Variants in HEPH observed in about 807,000 individuals in gnomAD.
HEPH encodes the protein hephaestin.
A neutral mutation model predicts 80.8 loss-of-function variants in HEPH; 69 were observed. The ratio of observed to expected loss-of-function variants is 0.85; its 90% confidence interval spans 0.70 to 1.04. The LOEUF (loss-of-function observed/expected upper bound fraction) is 1.04, where lower values mean the gene tolerates loss of function less well. Among genes scored for constraint, HEPH ranks in the 50% least tolerant of loss-of-function variants. The probability of loss-of-function intolerance (pLI) is 0.00; values close to 1 mark genes in which losing one functional copy is unlikely to be tolerated. For synonymous variants in HEPH, 431 were observed against 322.8 expected, an observed-to-expected ratio of 1.34 and a Z score of -3.60; for missense variants, 1,115 against 891.3, an observed-to-expected ratio of 1.25 and a Z score of -3.20.
chrX:66,251,323 A>T lies in HEPH; in HGVS notation c.2564-3712A>T, dbSNP rs1009556064. Among the ~76,000 whole-genome samples the T allele has an allele frequency of 3.6e-5, 4 of 112,142 alleles. No homozygotes were observed. The South Asian group carries it at 1.5e-3, about 42-fold the overall frequency. ...AACCATTTTACATTCCCATCAGCAA[A>T]GTGTGAGTGATTCAGTTGTTCCACA... is the stretch of plus-strand genomic sequence containing the variant. On this transcript the variant is annotated intron_variant, in intron 15 of 20. Coordinates refer to ENST00000343002, the MANE Select transcript of HEPH (RefSeq NM_001367233.3).
rs781019310 is a variant in HEPH, at chrX:66,188,469, G to T, written c.736G>T (p.Ala246Ser). ...NLSWHLNENI[A>S]TYCSDPASVD... The stretch of plus-strand genomic sequence containing the variant: ...CAGCTGGCATCTCAATGAGAACATT[G>T]CCACTTACTGCTCAGATCCTGCTTC... Residue 246 changes from alanine (A) to serine (S), a missense_variant, in exon 5 of 21, where the codon GCC (alanine) becomes TCC (serine). This residue lies in a region of HEPH where 391 missense variants were observed against 343.6 expected (regional missense o/e 1.14). Coordinates refer to ENST00000343002, the MANE Select transcript of HEPH (RefSeq NM_001367233.3). 2 of 1,209,806 alleles carry T rather than the reference G, an allele frequency of 1.7e-6. No homozygotes were observed. The highest frequency in any genetic ancestry group is 2.2e-6 in the Non-Finnish European group (2 of 894,249).
intron 15 of HEPH, among the ~76,000 whole-genome samples, chrX:66,253,562 C>A (rs998561829): frequency 1.8e-5 from 2 of 111,953 alleles, no homozygotes; most frequent in African/African-American, 6.5e-5. Flanking sequence ...TTTGGCAATT[C>A]TTTAAGTGGT....
chrX:66,217,781 C>G (rs1360654807), intron 15 of HEPH, among the ~76,000 whole-genome samples: 1 of 111,627 alleles, frequency 9.0e-6, no homozygotes, highest in East Asian at 2.8e-4. Context: ...TATCTACTGT[C>G]TTCAAGGGAC....
At chrX:66,200,370 A>G (rs2088366856) in intron 11 of HEPH, 170 bp from the exon 12 acceptor site, 1 of 446,316 alleles carries the variant, frequency 2.2e-6, no homozygotes, top group African/African-American at 2.5e-5. Context: ...AGACAGAGAT[A>G]TTCACGAGTA....
chrX:66,260,807 C>T (rs1490068186), intron 19 of HEPH, among the ~76,000 whole-genome samples: 1 of 109,548 alleles, frequency 9.1e-6, no homozygotes, highest in African/African-American at 3.3e-5. Flanking sequence ...TGATCTGTCA[C>T]CCAGGCTGGA....
At chrX:66,205,997 C>T (rs1395713593) in intron 13 of HEPH, among the ~76,000 whole-genome samples, 1 of 111,103 alleles carries the variant, frequency 9.0e-6, no homozygotes, top group Non-Finnish European at 1.9e-5. Flanking sequence ...GTCCTGTCAT[C>T]TCTGTGCAAT....
intron 4 of HEPH, among the ~76,000 whole-genome samples, chrX:66,187,188 C>T (rs1443121004): frequency 9.0e-6 from 1 of 111,227 alleles, no homozygotes; most frequent in Non-Finnish European, 1.9e-5. Flanking sequence ...CACTGGGCTT[C>T]ACCTTTCTCT....
chrX:66,255,057 G>A lies in HEPH; in HGVS notation c.2586G>A (p.Trp862Ter), dbSNP rs762508969. ...AEPGEVVTYQ[W>*]NIPERSGPGP... ...TAGGTGAGGTGGTCACTTATCAGTG[G>A]AACATCCCAGAGAGGTCTGGCCCTG... Residue 862 changes from tryptophan to a stop codon, truncating the protein, a stop_gained, in exon 16 of 21, where the codon TGG becomes TGA. Transcript: ENST00000343002. LOFTEE classifies it high-confidence loss of function. The A allele has an allele frequency of 8.3e-7, 1 of 1,203,542 alleles. No individual in the cohort carries two copies. The highest frequency in any genetic ancestry group is 1.1e-6 in the Non-Finnish European group (1 of 890,066).
downstream of HEPH, chrX:66,267,596 T>A (rs2091572342): frequency 9.0e-6 from 1 of 111,412 alleles, no homozygotes; most frequent in Non-Finnish European, 1.9e-5. Flanking sequence ...GTCGCATAAA[T>A]GACAAAAATT....
chrX:66,259,870 G>A lies in HEPH; in HGVS notation c.3037-230G>A, dbSNP rs182759744. ...ACTACAAGCGCCTGCTACCATGCCC[G>A]GCAATTTTTTTTATTTTTTTTATTT... On this transcript the variant is annotated intron_variant, in intron 18 of 20. Transcript: ENST00000343002. Among the ~76,000 whole-genome samples the A allele has an allele frequency of 3.7e-5, 4 of 109,158 alleles. No individual in the cohort carries two copies. The East Asian group carries it at 1.1e-3, about 31-fold the overall frequency. 94.8% of individuals were successfully genotyped at this position (109,158 alleles called of 115,157 possible).
intron 2 of HEPH, among the ~76,000 whole-genome samples, chrX:66,171,757 C>T (rs1602195573): frequency 1.8e-5 from 2 of 110,371 alleles, no homozygotes. Flanking sequence ...ATTTATTGAA[C>T]TTTTACTATT....
chrX:66,222,970 C>T (rs1025326363), intron 15 of HEPH, among the ~76,000 whole-genome samples: 6 of 111,398 alleles, frequency 5.4e-5, no homozygotes, highest in Non-Finnish European at 3.8e-5. Context: ...GGGTTTTCCC[C>T]TGAGACTGCA....
chrX:66,195,494 A>G (rs1406755759), intron 9 of HEPH, among the ~76,000 whole-genome samples: 1 of 111,775 alleles, frequency 8.9e-6, no homozygotes, highest in East Asian at 2.8e-4. Flanking sequence ...TACAAAGTAA[A>G]TAAGCATCAT....
chrX:66,188,209 A>T, intron 4 of HEPH, 150 bp from the exon 5 acceptor site: 1 of 454,214 alleles, frequency 2.2e-6, no homozygotes, highest in Non-Finnish European at 3.7e-6. Context: ...TTGGAAATGG[A>T]AATTAATCTA....
chrX:66,212,834 A>T (rs1351767265), intron 15 of HEPH, among the ~76,000 whole-genome samples: 5 of 110,391 alleles, frequency 4.5e-5, no homozygotes, highest in Non-Finnish European at 9.5e-5. Flanking sequence ...TGTCATATAA[A>T]TTTTCAAATT....
chrX:66,215,825 G>A (rs1428653670), intron 15 of HEPH, among the ~76,000 whole-genome samples: 1 of 112,054 alleles, frequency 8.9e-6, no homozygotes, highest in Non-Finnish European at 1.9e-5. Context: ...TCAGTTGGGA[G>A]GCTTGTAGCC....
At chrX:66,164,230 C>G, upstream of HEPH, 1 of 754,096 alleles carries the variant, frequency 1.3e-6, no homozygotes, top group Non-Finnish European at 1.6e-6. Context: ...TCAAACCAGG[C>G]CCCAGAGGAA....
chrX:66,197,303 G>T (rs917946867), intron 9 of HEPH, among the ~76,000 whole-genome samples: 1 of 110,516 alleles, frequency 9.0e-6, no homozygotes, highest in East Asian at 2.8e-4. Flanking sequence ...GACTATAATG[G>T]CAGGTAGTGA....
intron 15 of HEPH, among the ~76,000 whole-genome samples, chrX:66,251,037 C>G (rs570413836): frequency 9.0e-6 from 1 of 111,534 alleles, no homozygotes; most frequent in South Asian, 3.8e-4. Flanking sequence ...GTGCCCACCA[C>G]CACATTAAGC....
Sources: gnomAD v4.1 joint callset for allele counts (sites outside exome capture counted in the v4.1 genomes callset) on GRCh38, gnomAD v4.1.1 for gene constraint, gnomAD v4.1.1 regional missense constraint, MANE v1.5 for transcripts, NCBI Gene and HGNC (gene_info 2026-07-23, HGNC 2026-07-21) for gene names.